Variants in TNRC18 observed in about 807,000 individuals in gnomAD.
TNRC18 encodes the protein trinucleotide repeat containing 18.
A neutral mutation model predicts 226.7 loss-of-function variants in TNRC18; 69 were observed. The ratio of observed to expected loss-of-function variants is 0.30; its 90% confidence interval spans 0.25 to 0.37. TNRC18 has a LOEUF of 0.37. Ranked by LOEUF, TNRC18 falls within the 10% of genes least tolerant of loss-of-function variation. The probability of loss-of-function intolerance (pLI) is 1.00; values close to 1 mark genes in which losing one functional copy is unlikely to be tolerated. For synonymous variants in TNRC18, 2,449 were observed against 1,927.6 expected (o/e 1.27, Z -7.09); for missense variants, 4,754 against 4,256.6 (o/e 1.12, Z -3.25).
intron 27 of TNRC18, among the ~76,000 whole-genome samples, chr7:5,311,048 G>A (rs1462419684): frequency 3.9e-5 from 6 of 152,274 alleles, no homozygotes; most frequent in Admixed American, 6.5e-5. Context: ...GTGCATTTGT[G>A]TGGGTGTAGT....
Position 5,357,238 on chromosome 7 carries a change from C to T in TNRC18, c.4872G>A (p.Glu1624=), listed in dbSNP as rs761237083. Residue 1624 remains glutamate (E), a synonymous_variant, in exon 16 of 30, where the codon GAG becomes GAA. Coordinates refer to ENST00000430969, the MANE Select transcript of TNRC18 (RefSeq NM_001080495.3). Reference sequence around the variant, plus strand: ...CCTTGTCGAGCTTGCTTGCCAACTGCTCCTGGTCGCTGGCCATCTTCTTCT... The same window carrying T: ...CCTTGTCGAGCTTGCTTGCCAACTGTTCCTGGTCGCTGGCCATCTTCTTCT... ...IKKKKMASDQ[E]QLASKLDKAL... The T allele has an allele frequency of 3.7e-6, 6 of 1,612,344 alleles. No homozygotes were observed. The highest frequency in any genetic ancestry group is 5.1e-6 in the Non-Finnish European group (6 of 1,179,380).
chr7:5,344,511 C>T (rs749918636), intron 18 of TNRC18, among the ~76,000 whole-genome samples: 1 of 152,034 alleles, frequency 6.6e-6, no homozygotes, highest in Non-Finnish European at 1.5e-5. Flanking sequence ...GTGGGTGCCA[C>T]AAATGGGGTT....
At position 5,312,974 on chromosome 7, in the gene TNRC18, GGAGGAA is replaced by G. The variant is rs1263393079; in HGVS notation, c.7911_7916del (p.Ser2670_Ser2671del). 5.5e-6 allele frequency: 6 copies of G among 1,100,112 alleles called. No homozygotes were observed. The South Asian group carries it at 6.0e-5, about 11-fold the overall frequency. The allele number at this position is 1,100,112 out of a possible 1,614,324, so 68.1% of individuals were successfully genotyped here. On this transcript the variant is annotated inframe_deletion, in exon 27 of 30. Transcript: ENST00000430969. The surrounding 1 kb of genome is among the most constrained non-coding windows in gnomAD (Gnocchi z 6.3). ...AGGAAGACGAAGAGGAAGAGGAGGA[GGAGGAA>G]GAGGAGGAGGAGGAAGAGGAGGATG...
In TNRC18 at chr7:5,351,862, C is replaced by T. The variant is rs753845626; in HGVS notation, c.5427G>A (p.Ala1809=). 5.0e-6 allele frequency: 8 copies of T among 1,611,050 alleles called. No homozygotes were observed. The highest frequency in any genetic ancestry group is 3.3e-4 in the Middle Eastern group (2 of 6,068). ...PFCLLLREAE[A]RSSFSDSSEE... ...CCGAAGAGTCGCTGAAGGAGGAACG[C>T]GCCTCGGCCTCTCGAAGCAGCAGAC... is the stretch of plus-strand genomic sequence containing the variant. The change falls in exon 17 of 30, where the codon GCG becomes GCA. Residue 1809 remains alanine, a synonymous_variant. Coordinates refer to ENST00000430969, the MANE Select transcript of TNRC18 (RefSeq NM_001080495.3).
At position 5,388,663 on chromosome 7, in the gene TNRC18, G is replaced by A; in HGVS notation, c.1161C>T (p.Pro387=). The A allele has an allele frequency of 1.6e-6, 2 of 1,269,190 alleles. No homozygotes were observed. The highest frequency in any genetic ancestry group is 2.0e-6 in the Non-Finnish European group (2 of 1,005,044). 78.6% of individuals were successfully genotyped at this position (1,269,190 alleles called of 1,614,324 possible). The change falls in exon 5 of 30, where the codon CCC becomes CCT. Residue 387 remains proline (P), a synonymous_variant. Coordinates refer to ENST00000430969, the MANE Select transcript of TNRC18 (RefSeq NM_001080495.3). ...SVEAFDERPG[P]IQIASQARDA... ...CGCGCGCCTGGGATGCGATCTGGAT[G>A]GGCCCCGGGCGCTCGTCGAAGGCCT...
intron 9 of TNRC18, 78 bp downstream of exon 9, chr7:5,375,952 GGAGA>G: frequency 7.3e-7 from 1 of 1,367,730 alleles, no homozygotes; most frequent in Admixed American, 2.3e-5. Context: ...GTAACTGTCT[GGAGA>G]TTCTGCTGGC....
chr7:5,335,337 C>T (rs1469353470), intron 18 of TNRC18, among the ~76,000 whole-genome samples: 1 of 143,102 alleles, frequency 7.0e-6, no homozygotes, highest in Non-Finnish European at 1.5e-5. Context: ...TGGCCAGGCA[C>T]AGTGGCTCAC....
In TNRC18 at chr7:5,313,682, G is replaced by A. The variant is rs1583732131; in HGVS notation, c.7209C>T (p.Phe2403=). The change falls in exon 27 of 30, where the codon TTC becomes TTT. Residue 2403 remains phenylalanine (F), a synonymous_variant. Transcript: ENST00000430969. Reference sequence around the variant, plus strand: ...ATGGCTCGGGTGCTGGGCAGCTGGTGAAGGCGGGTGGTGCGGGACTGGGCT... The same window carrying A: ...ATGGCTCGGGTGCTGGGCAGCTGGTAAAGGCGGGTGGTGCGGGACTGGGCT... ...PPQPSPAPPA[F]TSCPAPEPFA... 1 of 1,605,738 alleles carries A rather than the reference G, an allele frequency of 6.2e-7. No homozygotes were observed. The highest frequency in any genetic ancestry group is 8.5e-7 in the Non-Finnish European group (1 of 1,176,788).
chr7:5,405,524 G>A lies in TNRC18; in HGVS notation c.188-10929C>T, dbSNP rs575155375. Among the ~76,000 whole-genome samples the A allele has an allele frequency of 9.5e-4, 144 of 151,158 alleles. 1 individual carries two copies. The South Asian group carries it at 0.016, about 17-fold the overall frequency. On this transcript the variant is annotated intron_variant, in intron 2 of 29. Coordinates refer to ENST00000430969, the MANE Select transcript of TNRC18 (RefSeq NM_001080495.3). The stretch of plus-strand genomic sequence containing the variant: ...GCGGAGGTTGCAGTGAGCCGAGATT[G>A]TGCCACGGCACTCCAGCCTGGGTGA...
rs768846617 is a variant in TNRC18, at chr7:5,374,164, C to T, written c.3120G>A (p.Pro1040=). The T allele has an allele frequency of 5.9e-5, 35 of 598,162 alleles. 1 individual carries two copies. The South Asian group carries it at 1.5e-3, about 25-fold the overall frequency. The allele number at this position is 598,162 out of a possible 1,614,324, so 37.1% of individuals were successfully genotyped here. A position where few individuals can be genotyped will look rare whatever the true frequency, so the allele number is the denominator to read the frequency against. Reference sequence around the variant, plus strand: ...CCTTGCGGGTGATACCCGGGGTGGGCGGTGGGGAGGCGGGCGGCGGGCTGG... The same window carrying T: ...CCTTGCGGGTGATACCCGGGGTGGGTGGTGGGGAGGCGGGCGGCGGGCTGG... ...HPTSPPPASP[P]PTPGITRKEE... The change falls in exon 10 of 30, where the codon CCG becomes CCA. Residue 1040 remains proline, a synonymous_variant. Coordinates refer to ENST00000430969, the MANE Select transcript of TNRC18 (RefSeq NM_001080495.3).
Position 5,377,497 on chromosome 7 carries a change from C to A in TNRC18, c.2335G>T (p.Val779Leu). The A allele has an allele frequency of 6.3e-7, 1 of 1,585,374 alleles. No homozygotes were observed. Among genetic ancestry groups the A allele is most frequent in the Non-Finnish European group, 8.6e-7 (1 of 1,166,558 alleles). Residue 779 changes from valine to leucine, a missense_variant, in exon 7 of 30, where the codon GTG becomes TTG. Transcript: ENST00000430969. The surrounding 1 kb of genome is among the most constrained non-coding windows in gnomAD (Gnocchi z 5.8). ...CCCGCCAGCGCCGGGCCCCCCGTCA[C>A]CATGAGGTTGGGGTTCAGGCCGTTA... ...APNGLNPNLMVTGGPALAGSG... is the reference protein window; with the variant it reads ...APNGLNPNLMLTGGPALAGSG...
intron 8 of TNRC18, 38 bp from the exon 9 acceptor site, chr7:5,376,262 G>C (rs1236774894): frequency 3.5e-6 from 5 of 1,415,888 alleles, no homozygotes; most frequent in African/African-American, 2.9e-5. Flanking sequence ...CCTGCGGCCT[G>C]ATGCTCCACC....
At position 5,390,358 on chromosome 7, in the gene TNRC18, CAA is replaced by C. The variant is rs11295332; in HGVS notation, c.487+125_487+126del. On this transcript the variant is annotated intron_variant, in intron 4 of 29. Coordinates refer to ENST00000430969, the MANE Select transcript of TNRC18 (RefSeq NM_001080495.3). ...TGGGCAACATAGTGAGACCCTGTCT[CAA>C]AAAAAAAAAAAAAAAAAAAGCCAGC... 111,881 of 697,070 alleles carry C rather than the reference CAA, an allele frequency of 0.16. 12 individuals carry two copies. Among genetic ancestry groups the C allele is most frequent in the East Asian group, 0.24 (7,283 of 30,684 alleles). 43.2% of individuals were successfully genotyped at this position (697,070 alleles called of 1,614,324 possible). A position where few individuals can be genotyped will look rare whatever the true frequency, so the allele number is the denominator to read the frequency against.
chr7:5,392,618 A>T (rs565597553), intron 3 of TNRC18, among the ~76,000 whole-genome samples: 30 of 152,142 alleles, frequency 2.0e-4, no homozygotes, highest in Admixed American at 1.6e-3. Context: ...TCCATTTCAA[A>T]AAATAAATAA....
In TNRC18 at chr7:5,325,894, C is replaced by A. The variant is rs557852233; in HGVS notation, c.6148-646G>T. The stretch of plus-strand genomic sequence containing the variant: ...TGGACTACAGGTGCACACCACCACA[C>A]CCAGCTAAGTTTTTATTTTTTTAGA... On this transcript the variant is annotated intron_variant, in intron 19 of 29. Transcript: ENST00000430969. 4.6e-5 allele frequency among the ~76,000 whole-genome samples: 7 copies of A among 151,922 alleles called. No individual in the cohort carries two copies. In the South Asian group the frequency reaches 1.2e-3, roughly 27 times the overall value.
chr7:5,354,261 A>G (rs1792121816), intron 16 of TNRC18, among the ~76,000 whole-genome samples: 1 of 152,028 alleles, frequency 6.6e-6, no homozygotes, highest in Non-Finnish European at 1.5e-5. Flanking sequence ...ATTCCCTCAC[A>G]CGTGCCAAGA....
At chr7:5,369,310 C>G (rs899557247) in intron 11 of TNRC18, among the ~76,000 whole-genome samples, 1 of 151,426 alleles carries the variant, frequency 6.6e-6, no homozygotes, top group African/African-American at 2.4e-5. Context: ...GATGACACCA[C>G]TGCACACCAG....
At chr7:5,322,821 GGCCGTATCCCTGCTGTGCCT>G (rs1437535062) in intron 21 of TNRC18, among the ~76,000 whole-genome samples, 1 of 152,188 alleles carries the variant, frequency 6.6e-6, no homozygotes, top group Non-Finnish European at 1.5e-5. Flanking sequence ...TGGGTGGGAC[GGCCGTATCCCTGCTGTGCCT>G]GCCTGTGGCC....
At position 5,355,501 on chromosome 7, in the gene TNRC18, C is replaced by G. The variant is rs189720783; in HGVS notation, c.5194+1415G>C. On this transcript the variant is annotated intron_variant, in intron 16 of 29. Transcript: ENST00000430969. ...TAGTAGTAGTGTGCGCCTATGGTCC[C>G]AGCTATTCGGGAGGCTAAAGTGGGA... 3.4e-3 allele frequency among the ~76,000 whole-genome samples: 521 copies of G among 152,306 alleles called. 3 individuals are homozygous for G. The highest frequency in any genetic ancestry group is 4.4e-3 in the Non-Finnish European group (298 of 68,034).
Sources: gnomAD v4.1 joint callset for allele counts (sites outside exome capture counted in the v4.1 genomes callset) on GRCh38, gnomAD v4.1.1 for gene constraint, Gnocchi (gnomAD v3.1) non-coding constraint, MANE v1.5 for transcripts, NCBI Gene and HGNC (gene_info 2026-07-23, HGNC 2026-07-21) for gene names.